Variants in CCDC102B observed in about 807,000 individuals in gnomAD.
CCDC102B encodes coiled-coil domain-containing protein 102B.
Under a neutral mutation model 57.4 loss-of-function variants are expected in CCDC102B, and 75 were observed. That is an observed-to-expected ratio of 1.31 (90% CI 1.08 to 1.58). The LOEUF (loss-of-function observed/expected upper bound fraction) is 1.58. Among genes scored for constraint, CCDC102B ranks in the 40% most tolerant of loss-of-function variants. The pLI, the probability that CCDC102B is intolerant of heterozygous loss-of-function variation, is 0.00. For synonymous variants in CCDC102B, 206 were observed against 201.9 expected (o/e 1.02, Z -0.17); for missense variants, 636 against 582.6 (o/e 1.09, Z -0.94).
chr18:68,852,088 A>G (rs2038153982), intron 4 of CCDC102B, among the ~76,000 whole-genome samples: 1 of 151,938 alleles, frequency 6.6e-6, no homozygotes, highest in Admixed American at 6.6e-5. Flanking sequence ...AGATTGGACC[A>G]GGTCGCCTGC....
chr18:68,950,910 T>A (rs1168410081), intron 6 of CCDC102B, among the ~76,000 whole-genome samples: 2 of 152,318 alleles, frequency 1.3e-5, no homozygotes, highest in African/African-American at 4.8e-5. Context: ...GTAAGATATG[T>A]TAATTTATGT....
intron 6 of CCDC102B, among the ~76,000 whole-genome samples, chr18:68,915,946 G>A (rs960072711): frequency 1.3e-5 from 2 of 152,052 alleles, no homozygotes; most frequent in African/African-American, 4.8e-5. Context: ...AGTTCATGTG[G>A]AATTGAAATA....
At chr18:68,958,893 T>C in intron 6 of CCDC102B, among the ~76,000 whole-genome samples, 1 of 152,314 alleles carries the variant, frequency 6.6e-6, no homozygotes, top group Non-Finnish European at 1.5e-5. Flanking sequence ...GATAAGATTC[T>C]GAGTTCCTTC....
intron 2 of CCDC102B, among the ~76,000 whole-genome samples, chr18:68,767,782 CAA>C (rs1158807561): frequency 1.5e-4 from 23 of 152,130 alleles, no homozygotes; most frequent in Admixed American, 1.5e-3. Context: ...TAAATATATT[CAA>C]GTTTTTCTTC....
At chr18:69,025,520 A>G (rs984397885) in intron 7 of CCDC102B, among the ~76,000 whole-genome samples, 2 of 152,234 alleles carry the variant, frequency 1.3e-5, no homozygotes, top group Non-Finnish European at 1.5e-5. Context: ...TTTTATAGTC[A>G]TCTCCTAGAG....
intron 6 of CCDC102B, among the ~76,000 whole-genome samples, chr18:68,986,735 G>A (rs199616095): frequency 6.6e-6 from 1 of 151,898 alleles, no homozygotes; most frequent in Non-Finnish European, 1.5e-5. Context: ...CAAGTTTCAG[G>A]ATACAAAATC....
At chr18:68,862,682 C>G (rs1407250230) in intron 4 of CCDC102B, among the ~76,000 whole-genome samples, 1 of 152,046 alleles carries the variant, frequency 6.6e-6, no homozygotes, top group Admixed American at 6.6e-5. Context: ...GGCAAAAAAG[C>G]TTTAGACTAA....
rs182195292 is a variant in CCDC102B at position 69,052,728 on chromosome 18, G to A, written c.1435-1302G>A. The stretch of plus-strand genomic sequence containing the variant: ...TGCGTTGCTATATATCTACCCAGTT[G>A]GCCCTCCATATCCACGGATTCCACA... On this transcript the variant is annotated intron_variant, in intron 7 of 7. Transcript: ENST00000360242. Among the ~76,000 whole-genome samples, 145 of 151,558 alleles carry A rather than the reference G, an allele frequency of 9.6e-4. 1 individual carries two copies. In the South Asian group the frequency reaches 0.017, roughly 18 times the overall value.
intron 1 of CCDC102B, among the ~76,000 whole-genome samples, chr18:68,824,557 G>A (rs933472724): frequency 2.0e-5 from 3 of 152,314 alleles, no homozygotes; most frequent in Non-Finnish European, 2.9e-5. Context: ...CAGGAGTGGT[G>A]AGAGTGGGCA....
chr18:69,050,807 G>A (rs1022974172), intron 7 of CCDC102B, among the ~76,000 whole-genome samples: 1 of 151,764 alleles, frequency 6.6e-6, no homozygotes, highest in East Asian at 1.9e-4. Flanking sequence ...ACCTTATTTC[G>A]ATCAGGAAAA....
chr18:69,052,013 T>A (rs1568151853), intron 7 of CCDC102B, among the ~76,000 whole-genome samples: 1 of 150,412 alleles, frequency 6.6e-6, no homozygotes, highest in Non-Finnish European at 1.5e-5. Context: ...TATTTCATAA[T>A]TTAATAAAAA....
At chr18:68,831,522 A>T (rs1002609907) in intron 1 of CCDC102B, among the ~76,000 whole-genome samples, 5 of 152,162 alleles carry the variant, frequency 3.3e-5, no homozygotes, top group African/African-American at 1.2e-4. Context: ...TTTGGAAAGT[A>T]AAATATCTAA....
At chr18:68,765,369 G>A (rs564262298) in intron 2 of CCDC102B, among the ~76,000 whole-genome samples, 333 of 126,236 alleles carry the variant, frequency 2.6e-3, no homozygotes, top group Non-Finnish European at 4.6e-3. Flanking sequence ...AAGAAAGAAA[G>A]AAAGAAAGAA....
At chr18:68,755,548 A>G (rs1012026056) in intron 2 of CCDC102B, among the ~76,000 whole-genome samples, 1 of 152,190 alleles carries the variant, frequency 6.6e-6, no homozygotes, top group African/African-American at 2.4e-5. Flanking sequence ...AAAAGCTGCA[A>G]TGTAAAGTAG....
In CCDC102B at chr18:68,724,715, C is replaced by T. The variant is rs138011258; in HGVS notation, c.-67+8121C>T. Reference sequence around the variant, plus strand: ...TTCTAGAAAGTTCCAAACTTTCCCACATCTTCCTGTCTTCTAAACCCTTCA... The same window carrying T: ...TTCTAGAAAGTTCCAAACTTTCCCATATCTTCCTGTCTTCTAAACCCTTCA... On this transcript the variant is annotated intron_variant, in intron 2 of 3. Coordinates refer to the CCDC102B transcript ENST00000578970. 3.8e-3 allele frequency among the ~76,000 whole-genome samples: 575 copies of T among 152,310 alleles called. 3 individuals carry two copies. The highest frequency in any genetic ancestry group is 0.015 in the East Asian group (78 of 5,176).
intron 6 of CCDC102B, among the ~76,000 whole-genome samples, chr18:68,994,658 C>T (rs1391186356): frequency 2.6e-5 from 4 of 152,184 alleles, no homozygotes; most frequent in South Asian, 2.1e-4. Context: ...TTTCTTCCTT[C>T]CTGATGCCTT....
At chr18:68,810,580 G>A (rs1219936701) in intron 1 of CCDC102B, among the ~76,000 whole-genome samples, 1 of 151,432 alleles carries the variant, frequency 6.6e-6, no homozygotes, top group Non-Finnish European at 1.5e-5. Flanking sequence ...GTGACTCTTG[G>A]GTAATTGTAA....
At chr18:68,995,987 G>A (rs931816572) in intron 6 of CCDC102B, among the ~76,000 whole-genome samples, 6 of 152,210 alleles carry the variant, frequency 3.9e-5, no homozygotes, top group Non-Finnish European at 8.8e-5. Context: ...TGACCTGGAT[G>A]TGAGACATAG....
At chr18:68,986,012 T>A (rs2050713816) in intron 6 of CCDC102B, among the ~76,000 whole-genome samples, 1 of 152,152 alleles carries the variant, frequency 6.6e-6, no homozygotes, top group Admixed American at 6.5e-5. Flanking sequence ...AAAACTTACA[T>A]AGTAGATGGC....
Sources: allele counts gnomAD v4.1 joint callset (sites outside exome capture counted in the v4.1 genomes callset), GRCh38; gene constraint gnomAD v4.1.1; transcripts MANE v1.5; gene names NCBI Gene and HGNC (gene_info 2026-07-23, HGNC 2026-07-21).